Variants in PML observed in about 807,000 individuals in gnomAD.
The protein encoded by PML is PML nuclear body scaffold, also known as protein PML.
PML carries 28 observed loss-of-function variants against 65.2 expected under a neutral mutation model. The observed-to-expected ratio is 0.43, with a 90% confidence interval of 0.32 to 0.59. The LOEUF (loss-of-function observed/expected upper bound fraction) is 0.59. Ranked by LOEUF, PML falls within the 20% of genes least tolerant of loss-of-function variation. The pLI, the probability that PML is intolerant of heterozygous loss-of-function variation, is 0.08. For missense variants in PML, 1,021 were observed against 1,203.4 expected, an observed-to-expected ratio of 0.85 and a Z score of 2.24; for synonymous variants, 500 against 508.8, an observed-to-expected ratio of 0.98 and a Z score of 0.23.
At chr15:73,998,875 G>T (rs1311750661) in intron 2 of PML, among the ~76,000 whole-genome samples, 4 of 152,138 alleles carry the variant, frequency 2.6e-5, no homozygotes, top group South Asian at 2.1e-4. Context: ...TCTCAGTAAG[G>T]CTGGATTCTA....
rs908212256 is a variant in PML, at chr15:74,036,959, G to A, written c.1710+2429G>A. 2.9e-5 allele frequency: 29 copies of A among 985,180 alleles called. No individual in the cohort carries two copies. In the South Asian group the frequency reaches 3.3e-4, roughly 11 times the overall value. The allele number at this position is 985,180 out of a possible 1,614,324, so 61.0% of individuals were successfully genotyped here. ...TACCTTCGCCTCCCTCCAGCCCCGC[G>A]CACTCCCCATTTCATCCCATCTTTC... is the stretch of plus-strand genomic sequence containing the variant. On this transcript the variant is annotated intron_variant, in intron 7 of 8. Coordinates refer to ENST00000268058, the MANE Select transcript of PML (RefSeq NM_033238.3).
Position 74,034,492 on chromosome 15 carries a change from G to T in PML, c.1672G>T (p.Val558Leu). The change falls in exon 7 of 9, where the codon GTG (valine) becomes TTG (leucine). Residue 558 changes from valine (V) to leucine (L), a missense_variant. Val to Leu is a conservative substitution (Grantham distance 32). Coordinates refer to ENST00000268058, the MANE Select transcript of PML (RefSeq NM_033238.3). ...GAGEAEERVV[V>L]ISSSEDSDAE... The stretch of plus-strand genomic sequence containing the variant: ...CCCCGTTTCAGAGGAACGCGTTGTG[G>T]TGATCAGCAGCTCGGAAGACTCAGA... 1 of 1,614,192 alleles carries T rather than the reference G, an allele frequency of 6.2e-7. No homozygotes were observed. The highest frequency in any genetic ancestry group is 1.6e-4 in the Middle Eastern group (1 of 6,062).
chr15:74,036,494 T>G (rs2071565385), intron 7 of PML: 1 of 1,187,660 alleles, frequency 8.4e-7, no homozygotes, highest in Non-Finnish European at 1.1e-6. Context: ...TCAGTTCTCC[T>G]CTGGGGATAC....
In PML at chr15:73,994,914, GCCCAGC is replaced by G. The variant is rs1186288167; in HGVS notation, c.117_122del (p.Ser40_Pro41del). 6 of 1,538,340 alleles carry G rather than the reference GCCCAGC, an allele frequency of 3.9e-6. No individual in the cohort carries two copies. The highest frequency in any genetic ancestry group is 5.3e-6 in the Non-Finnish European group (6 of 1,140,532). The stretch of plus-strand genomic sequence containing the variant: ...CCGAGACCCCCTCTGAAGGCCGCCA[GCCCAGC>G]CCCAGCCCCAGCCCTACAGAGGTAC... On this transcript the variant is annotated inframe_deletion, in exon 1 of 9. Transcript: ENST00000268058.
intron 4 of PML, chr15:74,025,140 G>A: frequency 1.7e-6 from 1 of 573,450 alleles, no homozygotes; most frequent in Non-Finnish European, 3.2e-6. Flanking sequence ...AAATGCCAAA[G>A]TTGCTCTTGA....
In PML at chr15:74,042,556, T is replaced by C. The variant is rs1018746082; in HGVS notation, c.1711-433T>C. 3.0e-6 allele frequency: 3 copies of C among 985,346 alleles called. No individual in the cohort carries two copies. The African/African-American group carries it at 5.2e-5, about 17-fold the overall frequency. The allele number at this position is 985,346 out of a possible 1,614,324, so 61.0% of individuals were successfully genotyped here. A position where few individuals can be genotyped will look rare whatever the true frequency, so the allele number is the denominator to read the frequency against. ...CTCAGGTCCTGCCTGCCATAGCAGA[T>C]GGCTCCTTCCCTGAGCCTCCATAAG... On this transcript the variant is annotated intron_variant, in intron 7 of 8. Coordinates refer to ENST00000268058, the MANE Select transcript of PML (RefSeq NM_033238.3). This position sits in a 1 kb window ranked among gnomAD's most constrained non-coding sequence, Gnocchi z 5.3.
At chr15:74,022,688 A>C (rs1356756418) in intron 2 of PML, 140 bp from the exon 3 acceptor site, 12 of 757,468 alleles carry the variant, frequency 1.6e-5, no homozygotes, top group South Asian at 8.9e-5. Context: ...AACCACAAAC[A>C]CTGAATTAGG....
At chr15:74,032,827 G>A (rs2071381730) in intron 5 of PML, 112 bp downstream of exon 5, 3 of 1,183,708 alleles carry the variant, frequency 2.5e-6, no homozygotes, top group African/African-American at 1.5e-5. Context: ...CTCTTTGTGG[G>A]AAAGTGTTTG....
In PML at chr15:74,023,146, C is replaced by T. The variant is rs1476789997; in HGVS notation, c.921C>T (p.Arg307=). The change falls in exon 3 of 9, where the codon CGC becomes CGT. Residue 307 remains arginine (R), a synonymous_variant. Transcript: ENST00000268058. ...AGGCTGTGGACGCGCGGTACCAGCGCGACTACGAGGAGATGGCCAGTCGGC... is the reference window on the plus strand; with the variant it reads ...AGGCTGTGGACGCGCGGTACCAGCGTGACTACGAGGAGATGGCCAGTCGGC... ...LLEAVDARYQ[R]DYEEMASRLG... is the part of the protein sequence containing the mutation. 1 of 1,604,722 alleles carries T rather than the reference C, an allele frequency of 6.2e-7. No homozygotes were observed.
intron 6 of PML, chr15:74,034,022 A>G (rs2071433591): frequency 2.9e-6 from 1 of 343,864 alleles, no homozygotes; most frequent in Non-Finnish European, 5.5e-6. Flanking sequence ...TTGGTCACAC[A>G]CTGAGCACTG....
rs1335795952 is a variant in PML at position 74,035,621 on chromosome 15, C to T, written c.1710+1091C>T. 1 of 1,613,566 alleles carries T rather than the reference C, an allele frequency of 6.2e-7. No individual in the cohort carries two copies. The highest frequency in any genetic ancestry group is 8.5e-7 in the Non-Finnish European group (1 of 1,180,026). ...CTGCCCAGCTGCAAAGGGGCATCAGCCCACCCCACCGGATACGAGGGGCTG... is the reference window on the plus strand; with the variant it reads ...CTGCCCAGCTGCAAAGGGGCATCAGTCCACCCCACCGGATACGAGGGGCTG... On this transcript the variant is annotated intron_variant, in intron 7 of 8. Transcript: ENST00000268058. This position sits in a 1 kb window ranked among gnomAD's most constrained non-coding sequence, Gnocchi z 4.1.
chr15:74,004,719 A>ATTT (rs762375779), intron 2 of PML, among the ~76,000 whole-genome samples: 1 of 143,222 alleles, frequency 7.0e-6, no homozygotes, highest in African/African-American at 2.6e-5. Flanking sequence ...CTGCTTTTTA[A>ATTT]TTTTTTTTTT....
At chr15:74,039,740 T>C (rs117581066) in intron 7 of PML, among the ~76,000 whole-genome samples, 4,820 of 152,342 alleles carry the variant, frequency 0.032, 141 homozygotes, top group South Asian at 0.12. Context: ...CAAGAACCAC[T>C]GAATCGGGGG....
In PML at chr15:74,042,970, T is replaced by C. The variant is rs998318862; in HGVS notation, c.1711-19T>C. On this transcript the variant is annotated intron_variant, in intron 7 of 8. Transcript: ENST00000268058. This position sits in a 1 kb window ranked among gnomAD's most constrained non-coding sequence, Gnocchi z 5.3. ...CTTGGCCCTCTGAATCCCTGACGCTTGGTTTTTCTGTGTTGCAGTCCTCCC... is the reference window on the plus strand; with the variant it reads ...CTTGGCCCTCTGAATCCCTGACGCTCGGTTTTTCTGTGTTGCAGTCCTCCC... 4 of 1,613,374 alleles carry C rather than the reference T, an allele frequency of 2.5e-6. No homozygotes were observed. In the African/African-American group the frequency reaches 4.0e-5, roughly 16 times the overall value.
chr15:74,030,918 A>AT (rs1193789239), intron 4 of PML, among the ~76,000 whole-genome samples: 3 of 151,624 alleles, frequency 2.0e-5, no homozygotes, highest in Admixed American at 6.6e-5. Context: ...AAATTTTTTA[A>AT]TTTTTTTTCT....
At position 74,035,478 on chromosome 15, in the gene PML, C is replaced by T. The variant is rs75056290; in HGVS notation, c.1710+948C>T. The T allele has an allele frequency of 1.6e-3, 2,504 of 1,612,510 alleles. 37 individuals carry two copies. The African/African-American group carries it at 0.029, about 18-fold the overall frequency. On this transcript the variant is annotated intron_variant, in intron 7 of 8. Transcript: ENST00000268058. This position sits in a 1 kb window ranked among gnomAD's most constrained non-coding sequence, Gnocchi z 4.1. ...AGCCATCCGCCTTCGCCATGCCCTC[C>T]GCTTGCACCCTCAATTGCATCGGGC...
chr15:74,008,481 G>A (rs1595886502), intron 2 of PML, among the ~76,000 whole-genome samples: 2 of 152,312 alleles, frequency 1.3e-5, no homozygotes, highest in East Asian at 3.9e-4. Context: ...GCTCACGCCT[G>A]TAATCCCAGC....
intron 7 of PML, among the ~76,000 whole-genome samples, chr15:74,040,460 G>A (rs1203495444): frequency 2.6e-5 from 4 of 152,214 alleles, no homozygotes; most frequent in Non-Finnish European, 4.4e-5. Context: ...CCTAATTTGC[G>A]GAATAAGGCC....
At chr15:74,033,466 C>A (rs370548618) in intron 6 of PML, 52 bp downstream of exon 6, 1 of 1,599,974 alleles carries the variant, frequency 6.3e-7, no homozygotes, top group East Asian at 2.2e-5. Flanking sequence ...AGGGTCTGGG[C>A]GGTGCCCCTC....
Sources: allele counts gnomAD v4.1 joint callset (sites outside exome capture counted in the v4.1 genomes callset), GRCh38; gene constraint gnomAD v4.1.1; non-coding constraint Gnocchi (gnomAD v3.1); transcripts MANE v1.5; gene names NCBI Gene and HGNC (gene_info 2026-07-23, HGNC 2026-07-21).